MGLL: variants seen among roughly 807,000 people sequenced by gnomAD.
MGLL encodes monoglyceride lipase, also known as lysophospholipase homolog.
A neutral mutation model predicts 29.1 loss-of-function variants in MGLL; 7 were observed. That is an observed-to-expected ratio of 0.24 (90% CI 0.14 to 0.45). MGLL has a LOEUF of 0.45. Ranked by LOEUF, MGLL falls within the 20% of genes least tolerant of loss-of-function variation. The pLI is 0.99. For synonymous variants in MGLL, 148 were observed against 168.3 expected (o/e 0.88, Z 0.93); for missense variants, 356 against 413.6 (o/e 0.86, Z 1.21).
intron 6 of MGLL, among the ~76,000 whole-genome samples, chr3:127,697,999 A>G (rs2075406076): frequency 6.6e-6 from 1 of 152,184 alleles, no homozygotes; most frequent in Admixed American, 6.5e-5. Flanking sequence ...GCTGACCCCA[A>G]GTGTCCTGGG....
intron 6 of MGLL, among the ~76,000 whole-genome samples, chr3:127,699,683 GAGA>G (rs1293378297): frequency 6.6e-6 from 1 of 152,202 alleles, no homozygotes; most frequent in East Asian, 1.9e-4. Context: ...GTCTCGAGAG[GAGA>G]AGGTGAAGGT....
At chr3:127,728,895 G>C (rs1413993260) in intron 3 of MGLL, among the ~76,000 whole-genome samples, 1 of 152,142 alleles carries the variant, frequency 6.6e-6, no homozygotes, top group Admixed American at 6.5e-5. Context: ...CTGTGTGTTT[G>C]ACATTTAGGT....
chr3:127,767,113 T>A (rs2107689376), intron 3 of MGLL, among the ~76,000 whole-genome samples: 1 of 151,886 alleles, frequency 6.6e-6, no homozygotes, highest in South Asian at 2.1e-4. Context: ...AAAAAACTAG[T>A]TAGGAAATTA....
chr3:127,707,994 T>C (rs713378), intron 6 of MGLL, among the ~76,000 whole-genome samples: 83,608 of 152,104 alleles, frequency 0.55, 25,378 homozygotes, highest in African/African-American at 0.82. Context: ...TGTGCACTCT[T>C]GAGTCCCAGG....
At chr3:127,810,829 C>T (rs538266421) in intron 2 of MGLL, among the ~76,000 whole-genome samples, 14 of 152,286 alleles carry the variant, frequency 9.2e-5, no homozygotes, top group Middle Eastern at 3.4e-3. Context: ...TTGAACCATT[C>T]CCCCACCCAA....
intron 6 of MGLL, among the ~76,000 whole-genome samples, chr3:127,704,446 G>T (rs1443612416): frequency 6.6e-6 from 1 of 152,166 alleles, no homozygotes; most frequent in Non-Finnish European, 1.5e-5. Flanking sequence ...ACTATCATTA[G>T]AGTGAACAGA....
At chr3:127,806,189 C>T (rs899274240) in intron 2 of MGLL, among the ~76,000 whole-genome samples, 3 of 152,206 alleles carry the variant, frequency 2.0e-5, no homozygotes, top group South Asian at 2.1e-4. Context: ...GCAAATCACC[C>T]GGTCTAGACT....
chr3:127,822,380 G>T lies in MGLL; in HGVS notation c.-62C>A, dbSNP rs1225870102. 1 of 1,593,954 alleles carries T rather than the reference G, an allele frequency of 6.3e-7. No individual in the cohort carries two copies. The highest frequency in any genetic ancestry group is 1.1e-5 in the South Asian group (1 of 90,546). On this transcript the variant is annotated 5_prime_UTR_variant, in exon 1 of 8. Transcript: ENST00000265052. ...CTGGAGAATCAGAACCAGGCAAATC[G>T]GGCTGTTCCCTCATCTGGGCGGCCC...
intron 5 of MGLL, chr3:127,711,721 T>TC (rs2107608036): frequency 6.9e-6 from 1 of 145,250 alleles, no homozygotes; most frequent in East Asian, 2.0e-4. Context: ...GGGCACAGTT[T>TC]CCCTATCTTT....
At chr3:127,822,199 A>T in intron 1 of MGLL, 110 bp downstream of exon 1, 1 of 1,231,298 alleles carries the variant, frequency 8.1e-7, no homozygotes, top group Non-Finnish European at 1.2e-6. Context: ...CTGCAAGAAG[A>T]CCCATCTATC....
At chr3:127,782,692 C>T (rs373407839) in intron 2 of MGLL, among the ~76,000 whole-genome samples, 2 of 152,142 alleles carry the variant, frequency 1.3e-5, no homozygotes, top group African/African-American at 2.4e-5. Flanking sequence ...CCTTCAGGCA[C>T]GGAGTAAATG....
chr3:127,769,570 G>A (rs1559958025), intron 3 of MGLL, among the ~76,000 whole-genome samples: 1 of 152,178 alleles, frequency 6.6e-6, no homozygotes, highest in Non-Finnish European at 1.5e-5. Flanking sequence ...CTGGTGAGGG[G>A]GAGGCTGCCA....
rs577782016 is a variant in MGLL at position 127,736,221 on chromosome 3, C to T, written c.263-13655G>A. 4.2e-4 allele frequency: 419 copies of T among 988,362 alleles called. 1 individual carries two copies. The highest frequency in any genetic ancestry group is 2.0e-3 in the South Asian group (43 of 21,116). The allele number at this position is 988,362 out of a possible 1,614,324, so 61.2% of individuals were successfully genotyped here. ...TCACTTTAAAAAACAAAGAAGATTG[C>T]ATGAGGAAAAGCAAATTGCTTTAAA... On this transcript the variant is annotated intron_variant, in intron 3 of 7. Transcript: ENST00000265052.
chr3:127,820,745 A>T (rs776741234), intron 2 of MGLL, among the ~76,000 whole-genome samples: 17 of 152,194 alleles, frequency 1.1e-4, no homozygotes, highest in Admixed American at 9.8e-4. Flanking sequence ...CACGTTACCC[A>T]CTTGAAAACA....
At chr3:127,789,264 C>T (rs1294718360) in intron 2 of MGLL, among the ~76,000 whole-genome samples, 1 of 152,104 alleles carries the variant, frequency 6.6e-6, no homozygotes, top group Non-Finnish European at 1.5e-5. Context: ...TGGATCATCC[C>T]CTGTGGGCTC....
intron 5 of MGLL, chr3:127,715,576 C>A: frequency 2.4e-6 from 1 of 421,840 alleles, no homozygotes; most frequent in Admixed American, 2.5e-5. Context: ...TTTCATGAGC[C>A]TAATCTCTCC....
intron 7 of MGLL, 44 bp from the exon 8 acceptor site, chr3:127,692,367 G>T: frequency 6.2e-7 from 1 of 1,612,616 alleles, no homozygotes; most frequent in Non-Finnish European, 8.5e-7. Flanking sequence ...ACCATCAGAG[G>T]CAGGTGCAGG....
At chr3:127,745,517 G>A (rs1464472085) in intron 3 of MGLL, among the ~76,000 whole-genome samples, 2 of 152,146 alleles carry the variant, frequency 1.3e-5, no homozygotes, top group African/African-American at 4.8e-5. Context: ...GGACATAGAA[G>A]GTGGAATGAC....
chr3:127,818,301 A>G (rs1416463039), intron 2 of MGLL, among the ~76,000 whole-genome samples: 1 of 152,212 alleles, frequency 6.6e-6, no homozygotes, highest in East Asian at 1.9e-4. Flanking sequence ...TGGATAAGGC[A>G]GCCAGTCAGG....
Sources: allele counts gnomAD v4.1 joint callset (sites outside exome capture counted in the v4.1 genomes callset), GRCh38; gene constraint gnomAD v4.1.1; transcripts MANE v1.5; gene names NCBI Gene and HGNC (gene_info 2026-07-23, HGNC 2026-07-21).